The following OR7G1 variants were observed in gnomAD, a reference collection of about 807,000 sequenced individuals.
OR7G1 encodes the protein olfactory receptor family 7 subfamily G member 1.
For synonymous variants in OR7G1, 142 were observed against 138.5 expected, an observed-to-expected ratio of 1.02 and a Z score of -0.18; for missense variants, 385 against 365.6, an observed-to-expected ratio of 1.05 and a Z score of -0.43.
rs2050440352 is a variant in OR7G1, at chr19:9,115,185, G to A, written c.579C>T (p.Leu193=). ...QVIKLACSDT[L]INNILIYFAS... The stretch of plus-strand genomic sequence containing the variant: ...CAAAATATATGAGGATGTTGTTGAT[G>A]AGGGTGTCAGAACAGGCGAGCTTGA... The change falls in exon 1 of 1, where the codon CTC becomes CTT. Residue 193 remains leucine, a synonymous_variant. Coordinates refer to ENST00000541538, the MANE Select transcript of OR7G1 (RefSeq NM_001005192.2). 2 of 1,613,896 alleles carry A rather than the reference G, an allele frequency of 1.2e-6. No individual in the cohort carries two copies. The highest frequency in any genetic ancestry group is 1.3e-5 in the African/African-American group (1 of 74,920).
rs2050437872 is a variant in OR7G1 at position 9,114,907 on chromosome 19, T to C, written c.857A>G (p.Asn286Ser). The change falls in exon 1 of 1, where the codon AAC becomes AGC. Residue 286 changes from asparagine (N) to serine (S), a missense_variant. Transcript: ENST00000541538. ...ATTTCTCAGGCTGTAGATGAAGGGG[T>C]TCATCATTTGAGGGACCACAGTGTA... ...VMYTVVPQMMNPFIYSLRNKE... is the reference protein window; with the variant it reads ...VMYTVVPQMMSPFIYSLRNKE... 6.2e-7 allele frequency: 1 copy of C among 1,613,764 alleles called. No individual in the cohort carries two copies. Among genetic ancestry groups the C allele is most frequent in the Non-Finnish European group, 8.5e-7 (1 of 1,179,858 alleles).
Position 9,115,655 on chromosome 19 carries a change from C to G in OR7G1, c.109G>C (p.Val37Leu). 1 of 1,613,776 alleles carries G rather than the reference C, an allele frequency of 6.2e-7. No individual in the cohort carries two copies. The highest frequency in any genetic ancestry group is 1.1e-5 in the South Asian group (1 of 91,044). Residue 37 changes from valine (V) to leucine (L), a missense_variant, in exon 1 of 1, where the codon GTC becomes CTC. Transcript: ENST00000541538. ...PFSLFLSMYL[V>L]TILGNLLILL... ...ATGAGCAGGTTCCCCAGGATGGTGA[C>G]CAGGTACATGGACAGGAACAGGCTG...
At position 9,115,661 on chromosome 19, in the gene OR7G1, A is replaced by G. The variant is rs772420758; in HGVS notation, c.103T>C (p.Tyr35His). The change falls in exon 1 of 1, where the codon TAC becomes CAC. Residue 35 changes from tyrosine to histidine, a missense_variant. Tyr to His is a moderately conservative substitution (Grantham distance 83, BLOSUM62 2). Transcript: ENST00000541538. ...AGGTTCCCCAGGATGGTGACCAGGT[A>G]CATGGACAGGAACAGGCTGAAAGGG... ...LIPFSLFLSM[Y>H]LVTILGNLLI... The G allele has an allele frequency of 6.2e-7, 1 of 1,613,934 alleles. No individual in the cohort carries two copies. The highest frequency in any genetic ancestry group is 8.5e-7 in the Non-Finnish European group (1 of 1,179,848).
In OR7G1 at chr19:9,115,086, CA is replaced by C. The variant is rs755259962; in HGVS notation, c.677del (p.Leu226ArgfsTer51). 1 of 1,614,066 alleles carries C rather than the reference CA, an allele frequency of 6.2e-7. No individual in the cohort carries two copies. The highest frequency in any genetic ancestry group is 2.2e-5 in the East Asian group (1 of 44,884). ...ACTTTCCTCTTGCTGATGGCATTCT[CA>C]GAACAGAGGTGACTATTTGAGAATA... is the stretch of plus-strand genomic sequence containing the variant. ...FSYSQIVTSV[L>X]RMPSARGKYK... On this transcript the variant is annotated frameshift_variant, in exon 1 of 1. Coordinates refer to ENST00000541538, the MANE Select transcript of OR7G1 (RefSeq NM_001005192.2). LOFTEE classifies it low-confidence loss of function (END_TRUNC).
In OR7G1 at chr19:9,115,024, A is replaced by G. The variant is rs1481562791; in HGVS notation, c.740T>C (p.Val247Ala). ...AFSTCGCHLS[V>A]FSLFYGTAFG... ...AGCTGTCCCATAGAACAAGGAAAAA[A>G]CAGAGAGGTGACAGCCACAGGTGGA... The change falls in exon 1 of 1, where the codon GTT becomes GCT. Residue 247 changes from valine (V) to alanine (A), a missense_variant. By Grantham distance (64) the Val-to-Ala change is moderately conservative. Transcript: ENST00000541538. 2 of 1,614,174 alleles carry G rather than the reference A, an allele frequency of 1.2e-6. No individual in the cohort carries two copies. Among genetic ancestry groups the G allele is most frequent in the Non-Finnish European group, 1.7e-6 (2 of 1,180,030 alleles).
rs567772763 is a variant in OR7G1 at position 9,115,307 on chromosome 19, T to A, written c.457A>T (p.Thr153Ser). The A allele has an allele frequency of 2.5e-6, 4 of 1,613,978 alleles. No homozygotes were observed. The African/African-American group carries it at 5.3e-5, about 22-fold the overall frequency. Residue 153 changes from threonine (T) to serine (S), a missense_variant, in exon 1 of 1, where the codon ACT becomes TCT. Transcript: ENST00000541538. Reference protein sequence around the residue: ...LLILLSMFMSTMDALVQSLMV... With the variant: ...LLILLSMFMSSMDALVQSLMV... ...AGACTCTGAACCAGGGCATCCATAGTGCTCATGAACATGGAGAGAAGAATC... is the reference window on the plus strand; with the variant it reads ...AGACTCTGAACCAGGGCATCCATAGAGCTCATGAACATGGAGAGAAGAATC...
At position 9,114,843 on chromosome 19, in the gene OR7G1, C is replaced by A. The variant is rs1245537109; in HGVS notation, c.921G>T (p.Arg307Ser). The A allele has an allele frequency of 6.2e-7, 1 of 1,603,636 alleles. No homozygotes were observed. Among genetic ancestry groups the A allele is most frequent in the Non-Finnish European group, 8.5e-7 (1 of 1,173,704 alleles). ...MKKALRKLIG[R>S]LFPF is the part of the protein sequence containing the mutation. Reference sequence around the variant, plus strand: ...ACAAAGATCGCTAAAAAGGAAACAGCCTACCAATAAGTTTCCTCAAAGCTT... The same window carrying A: ...ACAAAGATCGCTAAAAAGGAAACAGACTACCAATAAGTTTCCTCAAAGCTT... The change falls in exon 1 of 1, where the codon AGG (arginine) becomes AGT (serine). Residue 307 changes from arginine to serine, a missense_variant. By Grantham distance (110) the Arg-to-Ser change is moderately radical. Transcript: ENST00000541538.
chr19:9,114,840 C>T lies in OR7G1; in HGVS notation c.924G>A (p.Leu308=). The change falls in exon 1 of 1, where the codon CTG becomes CTA. Residue 308 remains leucine, a synonymous_variant. Transcript: ENST00000541538. ...KKALRKLIGR[L]FPF Reference sequence around the variant, plus strand: ...AGGACAAAGATCGCTAAAAAGGAAACAGCCTACCAATAAGTTTCCTCAAAG... The same window carrying T: ...AGGACAAAGATCGCTAAAAAGGAAATAGCCTACCAATAAGTTTCCTCAAAG... 7.5e-6 allele frequency: 12 copies of T among 1,602,352 alleles called. No individual in the cohort carries two copies. The highest frequency in any genetic ancestry group is 1.0e-5 in the Non-Finnish European group (12 of 1,173,150).
In OR7G1 at chr19:9,115,500, C is replaced by T; in HGVS notation, c.264G>A (p.Gln88=). The T allele has an allele frequency of 1.9e-6, 3 of 1,614,140 alleles. No individual in the cohort carries two copies. Among genetic ancestry groups the T allele is most frequent in the Non-Finnish European group, 1.7e-6 (2 of 1,180,022 alleles). ...VPKILVNIQA[Q]NQSITYTGCL... is the part of the protein sequence containing the mutation. ...AGCCTGTGTAAGTGATACTCTGATT[C>T]TGAGCTTGGATGTTCACTAGGATCT... Residue 88 remains glutamine, a synonymous_variant, in exon 1 of 1, where the codon CAG becomes CAA. Coordinates refer to ENST00000541538, the MANE Select transcript of OR7G1 (RefSeq NM_001005192.2).
At position 9,115,290 on chromosome 19, in the gene OR7G1, A is replaced by G; in HGVS notation, c.474T>C (p.Val158=). ...ACAGCTGCAATACCATCAGACTCTG[A>G]ACCAGGGCATCCATAGTGCTCATGA... The part of the protein sequence containing the change: ...SMFMSTMDAL[V]QSLMVLQLSF... The change falls in exon 1 of 1, where the codon GTT becomes GTC. Residue 158 remains valine (V), a synonymous_variant. Coordinates refer to ENST00000541538, the MANE Select transcript of OR7G1 (RefSeq NM_001005192.2). The G allele has an allele frequency of 1.2e-6, 2 of 1,614,162 alleles. No individual in the cohort carries two copies. Among genetic ancestry groups the G allele is most frequent in the Non-Finnish European group, 1.7e-6 (2 of 1,180,010 alleles).
chr19:9,115,251 G>A lies in OR7G1; in HGVS notation c.513C>T (p.Asn171=), dbSNP rs747971893. Residue 171 remains asparagine, a synonymous_variant, in exon 1 of 1, where the codon AAC becomes AAT. Coordinates refer to ENST00000541538, the MANE Select transcript of OR7G1 (RefSeq NM_001005192.2). Reference sequence around the variant, plus strand: ...CACAGAAGAACAAAGGGATTTCAACGTTTTTGCAGAAGGACAGCTGCAATA... The same window carrying A: ...CACAGAAGAACAAAGGGATTTCAACATTTTTGCAGAAGGACAGCTGCAATA... ...LMVLQLSFCK[N]VEIPLFFCEV... The A allele has an allele frequency of 9.3e-6, 15 of 1,614,032 alleles. 1 individual carries two copies. Among genetic ancestry groups the A allele is most frequent in the South Asian group, 5.5e-5 (5 of 91,088 alleles).
Position 9,114,968 on chromosome 19 carries a change from C to T in OR7G1, c.796G>A (p.Glu266Lys), listed in dbSNP as rs770411864. 1 of 1,614,062 alleles carries T rather than the reference C, an allele frequency of 6.2e-7. No individual in the cohort carries two copies. Among genetic ancestry groups the T allele is most frequent in the Admixed American group, 1.7e-5 (1 of 59,992 alleles). ...FGVYISSAVAESSRITAVASV... is the reference protein window; with the variant it reads ...FGVYISSAVAKSSRITAVASV... ...GCCACAGCAGTAATTCGGGAAGACT[C>T]AGCAACAGCAGAACTAATGTACACC... The change falls in exon 1 of 1, where the codon GAG becomes AAG. Residue 266 changes from glutamate (E) to lysine (K), a missense_variant. By Grantham distance (56) the Glu-to-Lys change is moderately conservative. Transcript: ENST00000541538.
chr19:9,115,044 G>A lies in OR7G1; in HGVS notation c.720C>T (p.Thr240=), dbSNP rs763192508. ...SARGKYKAFS[T]CGCHLSVFSL... is the part of the protein sequence containing the mutation. ...AAAAAACAGAGAGGTGACAGCCACAGGTGGAAAACGCTTTATACTTTCCTC... is the reference window on the plus strand; with the variant it reads ...AAAAAACAGAGAGGTGACAGCCACAAGTGGAAAACGCTTTATACTTTCCTC... Residue 240 remains threonine, a synonymous_variant, in exon 1 of 1, where the codon ACC becomes ACT. Transcript: ENST00000541538. 4 of 1,613,990 alleles carry A rather than the reference G, an allele frequency of 2.5e-6. No individual in the cohort carries two copies. Among genetic ancestry groups the A allele is most frequent in the South Asian group, 2.2e-5 (2 of 91,086 alleles).
chr19:9,115,135 G>A lies in OR7G1; in HGVS notation c.629C>T (p.Pro210Leu). ...YFASSVFGAIPLSGIIFSYSQ... is the reference protein window; with the variant it reads ...YFASSVFGAILLSGIIFSYSQ... Reference sequence around the variant, plus strand: ...ATAAGAGAAAATTATTCCAGAGAGAGGAATTGCACCAAATACACTACTTGC... The same window carrying A: ...ATAAGAGAAAATTATTCCAGAGAGAAGAATTGCACCAAATACACTACTTGC... The change falls in exon 1 of 1, where the codon CCT (proline) becomes CTT (leucine). Residue 210 changes from proline to leucine, a missense_variant. Transcript: ENST00000541538. 1.2e-6 allele frequency: 2 copies of A among 1,614,060 alleles called. No homozygotes were observed. Among genetic ancestry groups the A allele is most frequent in the Non-Finnish European group, 1.7e-6 (2 of 1,179,946 alleles).
rs775632389 is a variant in OR7G1 at position 9,115,032 on chromosome 19, G to A, written c.732C>T (p.His244=). Residue 244 remains histidine, a synonymous_variant, in exon 1 of 1, where the codon CAC becomes CAT. Transcript: ENST00000541538. ...KYKAFSTCGC[H]LSVFSLFYGT... ...CATAGAACAAGGAAAAAACAGAGAG[G>A]TGACAGCCACAGGTGGAAAACGCTT... is the stretch of plus-strand genomic sequence containing the variant. 9.9e-6 allele frequency: 16 copies of A among 1,613,988 alleles called. No individual in the cohort carries two copies. The South Asian group carries it at 1.6e-4, about 17-fold the overall frequency.
Position 9,115,651 on chromosome 19 carries a change from G to C in OR7G1, c.113C>G (p.Thr38Ser), listed in dbSNP as rs1287115289. The C allele has an allele frequency of 6.2e-7, 1 of 1,614,042 alleles. No individual in the cohort carries two copies. The highest frequency in any genetic ancestry group is 2.2e-5 in the East Asian group (1 of 44,882). Residue 38 changes from threonine to serine, a missense_variant, in exon 1 of 1, where the codon ACC becomes AGC. By Grantham distance (58) the Thr-to-Ser change is moderately conservative. Coordinates refer to ENST00000541538, the MANE Select transcript of OR7G1 (RefSeq NM_001005192.2). ...GAGAATGAGCAGGTTCCCCAGGATG[G>C]TGACCAGGTACATGGACAGGAACAG... ...FSLFLSMYLV[T>S]ILGNLLILLA...
Position 9,115,021 on chromosome 19 carries a change from A to G in OR7G1, c.743T>C (p.Phe248Ser). The change falls in exon 1 of 1, where the codon TTT (phenylalanine) becomes TCT (serine). Residue 248 changes from phenylalanine to serine, a missense_variant. Transcript: ENST00000541538. ...AAAAGCTGTCCCATAGAACAAGGAA[A>G]AAACAGAGAGGTGACAGCCACAGGT... is the stretch of plus-strand genomic sequence containing the variant. The part of the protein sequence containing the change: ...FSTCGCHLSV[F>S]SLFYGTAFGV... 6.2e-7 allele frequency: 1 copy of G among 1,614,196 alleles called. No homozygotes were observed. Among genetic ancestry groups the G allele is most frequent in the Admixed American group, 1.7e-5 (1 of 60,014 alleles).
rs780317734 is a variant in OR7G1, at chr19:9,115,372, C to T, written c.392G>A (p.Arg131Lys). The T allele has an allele frequency of 1.1e-5, 17 of 1,613,996 alleles. No homozygotes were observed. The highest frequency in any genetic ancestry group is 1.4e-5 in the Non-Finnish European group (17 of 1,180,038). Residue 131 changes from arginine to lysine, a missense_variant, in exon 1 of 1, where the codon AGG becomes AAG. Physicochemically the swap from Arg to Lys is conservative, Grantham distance 26 (BLOSUM62 2). Coordinates refer to ENST00000541538, the MANE Select transcript of OR7G1 (RefSeq NM_001005192.2). ...ATGGACATTCATGAGGACTGTGTAC[C>T]TCAGTGGGTGGCAAATGGCCACATA... ...DRYVAICHPL[R>K]YTVLMNVHFW...
In OR7G1 at chr19:9,115,107, A is replaced by G; in HGVS notation, c.657T>C (p.Ser219=). ...IPLSGIIFSY[S]QIVTSVLRMP... ...TTCTCAGAACAGAGGTGACTATTTG[A>G]GAATAAGAGAAAATTATTCCAGAGA... Residue 219 remains serine, a synonymous_variant, in exon 1 of 1, where the codon TCT becomes TCC. Coordinates refer to ENST00000541538, the MANE Select transcript of OR7G1 (RefSeq NM_001005192.2). The G allele has an allele frequency of 6.2e-7, 1 of 1,614,146 alleles. No homozygotes were observed. The highest frequency in any genetic ancestry group is 8.5e-7 in the Non-Finnish European group (1 of 1,179,984).
Sources: allele counts gnomAD v4.1 joint callset, GRCh38; gene constraint gnomAD v4.1.1; transcripts MANE v1.5; gene names NCBI Gene and HGNC (gene_info 2026-07-23, HGNC 2026-07-21).